The following HIVEP2 variants were observed in gnomAD, a reference collection of about 807,000 sequenced individuals.
HIVEP2 encodes transcription factor HIVEP2.
Under a neutral mutation model 180.7 loss-of-function variants are expected in HIVEP2, and 14 were observed. The ratio of observed to expected loss-of-function variants is 0.08; its 90% CI spans 0.05 to 0.12. HIVEP2 has a LOEUF of 0.12. Among genes scored for constraint, HIVEP2 ranks in the 10% least tolerant of loss-of-function variants. The pLI is 1.00. For synonymous variants in HIVEP2, 1,184 were observed against 1,136.4 expected (o/e 1.04, Z -0.84); for missense variants, 2,579 against 3,008.5 (o/e 0.86, Z 3.34).
intron 2 of HIVEP2, among the ~76,000 whole-genome samples, chr6:142,793,651 T>TCTTC (rs1776200614): frequency 1.4e-5 from 1 of 71,586 alleles, no homozygotes; most frequent in African/African-American, 4.6e-5. Flanking sequence ...TTTCTTTCTT[T>TCTTC]CTTTCTTTTT....
chr6:142,868,583 T>C (rs997429740), intron 1 of HIVEP2, among the ~76,000 whole-genome samples: 1 of 152,160 alleles, frequency 6.6e-6, no homozygotes, highest in Non-Finnish European at 1.5e-5. Context: ...TAAAGGCAAT[T>C]AAACTTTTCA....
intron 1 of HIVEP2, among the ~76,000 whole-genome samples, chr6:142,863,068 TGTA>T (rs1776046755): frequency 1.1e-4 from 16 of 143,672 alleles, no homozygotes; most frequent in Admixed American, 6.4e-4. Flanking sequence ...ATGTAATATA[TGTA>T]ATTATATGTA....
intron 1 of HIVEP2, among the ~76,000 whole-genome samples, chr6:142,841,480 G>A (rs918443245): frequency 3.3e-5 from 5 of 152,000 alleles, no homozygotes; most frequent in East Asian, 3.9e-4. Flanking sequence ...CTGTTGTTTC[G>A]TAGTATGTTC....
chr6:142,752,939 G>C lies in HIVEP2; in HGVS notation c.*168C>G, dbSNP rs746250164. On this transcript the variant is annotated 3_prime_UTR_variant, in exon 10 of 10. Transcript: ENST00000367603. ...CAAATTTTGTTTTGGTCAGGCTCAT[G>C]ATGACTTGTTAATTTACCTAATTCT... is the stretch of plus-strand genomic sequence containing the variant. The C allele has an allele frequency of 1.7e-6, 1 of 592,826 alleles. No homozygotes were observed. Among genetic ancestry groups the C allele is most frequent in the South Asian group, 2.2e-5 (1 of 46,416 alleles). The allele number at this position is 592,826 out of a possible 1,614,324, so 36.7% of individuals were successfully genotyped here. A position where few individuals can be genotyped will look rare whatever the true frequency, so the allele number is the denominator to read the frequency against.
Position 142,783,994 on chromosome 6 carries a change from C to A in HIVEP2, c.-527-379G>T, listed in dbSNP as rs150729915. ...CCTCGCAGGATGAAGTCTCAGATAA[C>A]CTTGTTGTAAATTTGTTTCTATAGT... On this transcript the variant is annotated intron_variant, in intron 2 of 9. Transcript: ENST00000367603. Among the ~76,000 whole-genome samples, 27 of 152,216 alleles carry A rather than the reference C, an allele frequency of 1.8e-4. 1 individual carries two copies. The East Asian group carries it at 5.0e-3, about 28-fold the overall frequency.
intron 1 of HIVEP2, among the ~76,000 whole-genome samples, chr6:142,866,703 T>C (rs966135679): frequency 2.6e-5 from 4 of 152,140 alleles, no homozygotes; most frequent in African/African-American, 4.8e-5. Flanking sequence ...AGGATAAATA[T>C]ATAAAGCTGT....
intron 1 of HIVEP2, among the ~76,000 whole-genome samples, chr6:142,891,772 G>A (rs939600183): frequency 1.3e-5 from 2 of 152,134 alleles, no homozygotes; most frequent in African/African-American, 2.4e-5. Context: ...CGGCAACATC[G>A]CTGAGACACG....
rs1213230273 is a variant in HIVEP2, at chr6:142,773,971, A to G, written c.768T>C (p.Ser256=). The change falls in exon 5 of 10, where the codon TCT becomes TCC. Residue 256 remains serine (S), a synonymous_variant. Transcript: ENST00000367603. Reference sequence around the variant, plus strand: ...TAAAACCAGCCTCTAGGTCCAATTTAGATACAGCTGACTCTGTGAAAGGTA... The same window carrying G: ...TAAAACCAGCCTCTAGGTCCAATTTGGATACAGCTGACTCTGTGAAAGGTA... The part of the protein sequence containing the change: ...GLVPFTESAV[S]KLDLEAGFID... 1 of 1,614,062 alleles carries G rather than the reference A, an allele frequency of 6.2e-7. No individual in the cohort carries two copies. Among genetic ancestry groups the G allele is most frequent in the Non-Finnish European group, 8.5e-7 (1 of 1,180,024 alleles).
chr6:142,842,672 G>A (rs1425913463), intron 1 of HIVEP2, among the ~76,000 whole-genome samples: 2 of 151,990 alleles, frequency 1.3e-5, no homozygotes, highest in African/African-American at 4.8e-5. Context: ...CTGAAAGACT[G>A]CAAGATGCCC....
intron 6 of HIVEP2, among the ~76,000 whole-genome samples, chr6:142,765,870 A>G (rs1199773852): frequency 2.0e-5 from 3 of 152,210 alleles, no homozygotes; most frequent in Non-Finnish European, 4.4e-5. Flanking sequence ...GTAGTAGTAT[A>G]CGGACTAATT....
chr6:142,851,452 G>A (rs536055293), intron 1 of HIVEP2, among the ~76,000 whole-genome samples: 5 of 152,290 alleles, frequency 3.3e-5, no homozygotes, highest in East Asian at 3.8e-4. Flanking sequence ...ATCTAGAAAC[G>A]GTAATGGAGT....
rs1197227261 is a variant in HIVEP2 at position 142,771,700 on chromosome 6, T to C, written c.3039A>G (p.Ser1013=). Residue 1013 remains serine, a synonymous_variant, in exon 5 of 10, where the codon TCA becomes TCG. Coordinates refer to ENST00000367603, the MANE Select transcript of HIVEP2 (RefSeq NM_006734.4). This position sits in a 1 kb window ranked among gnomAD's most constrained non-coding sequence, Gnocchi z 5.4. ...HSEFLTVPAG[S]YSLSVPGHHH... ...GATGGCCTGGGACAGACAATGAGTA[T>C]GAACCAGCAGGGACAGTCAGAAACT... The C allele has an allele frequency of 1.2e-6, 2 of 1,614,206 alleles. No homozygotes were observed. Among genetic ancestry groups the C allele is most frequent in the South Asian group, 1.1e-5 (1 of 91,084 alleles).
chr6:142,814,379 T>A (rs1414257764), intron 2 of HIVEP2, among the ~76,000 whole-genome samples: 2 of 152,136 alleles, frequency 1.3e-5, no homozygotes, highest in African/African-American at 2.4e-5. Flanking sequence ...AGAAACAACT[T>A]TGGAACCAGT....
chr6:142,812,417 C>A (rs1295843985), intron 2 of HIVEP2, among the ~76,000 whole-genome samples: 2 of 152,108 alleles, frequency 1.3e-5, no homozygotes, highest in Non-Finnish European at 2.9e-5. Context: ...AAAATCCACT[C>A]TAGACTAAAT....
At chr6:142,778,399 G>T (rs914558722) in intron 3 of HIVEP2, among the ~76,000 whole-genome samples, 11 of 151,986 alleles carry the variant, frequency 7.2e-5, no homozygotes. Context: ...GACTTGTAGA[G>T]GTAAATAAAT....
intron 1 of HIVEP2, among the ~76,000 whole-genome samples, chr6:142,887,227 T>C (rs1338562073): frequency 1.3e-5 from 2 of 152,000 alleles, no homozygotes; most frequent in African/African-American, 4.8e-5. Context: ...TGCATTTTTT[T>C]GGAAAATGAA....
intron 2 of HIVEP2, among the ~76,000 whole-genome samples, chr6:142,787,622 A>T (rs1346300118): frequency 3.3e-5 from 5 of 151,846 alleles, no homozygotes; most frequent in Non-Finnish European, 7.4e-5. Context: ...TGGAGTGCGT[A>T]AAGTGGCAAA....
chr6:142,819,400 C>A lies in HIVEP2; in HGVS notation c.-528+17535G>T, dbSNP rs114947657. Among the ~76,000 whole-genome samples, 313 of 152,216 alleles carry A rather than the reference C, an allele frequency of 2.1e-3. 1 individual carries two copies. Among genetic ancestry groups the A allele is most frequent in the African/African-American group, 7.2e-3 (299 of 41,530 alleles). ...TAAAGGGGTTTATAAACCTCTACCCCAGAAAAGGCTATGAAGCAAGAATCT... is the reference window on the plus strand; with the variant it reads ...TAAAGGGGTTTATAAACCTCTACCCAAGAAAAGGCTATGAAGCAAGAATCT... On this transcript the variant is annotated intron_variant, in intron 2 of 9. Transcript: ENST00000367603.
At chr6:142,793,470 T>A (rs1776188969) in intron 2 of HIVEP2, among the ~76,000 whole-genome samples, 1 of 152,182 alleles carries the variant, frequency 6.6e-6, no homozygotes, top group African/African-American at 2.4e-5. Context: ...TCTTTTCCGA[T>A]ACCATGATTA....
Sources: allele counts gnomAD v4.1 joint callset (sites outside exome capture counted in the v4.1 genomes callset), GRCh38; gene constraint gnomAD v4.1.1; non-coding constraint Gnocchi (gnomAD v3.1); transcripts MANE v1.5; gene names NCBI Gene and HGNC (gene_info 2026-07-23, HGNC 2026-07-21).